Variants in PNPLA7 observed in about 807,000 individuals in gnomAD.
PNPLA7 encodes patatin like domain 7, lysophospholipase, also known as patatin-like phospholipase domain-containing protein 7.
A neutral mutation model predicts 161.7 loss-of-function variants in PNPLA7; 153 were observed. That is an observed-to-expected ratio of 0.95 (90% CI 0.83 to 1.08). The LOEUF (loss-of-function observed/expected upper bound fraction) is 1.08. PNPLA7 is among the 50% of genes least tolerant of loss of function. The pLI is 0.00. For synonymous variants in PNPLA7, 809 were observed against 782.1 expected (o/e 1.03, Z -0.57); for missense variants, 1,739 against 1,856.6 (o/e 0.94, Z 1.16).
intron 25 of PNPLA7, among the ~76,000 whole-genome samples, chr9:137,474,032 A>C (rs1156995937): frequency 2.0e-5 from 3 of 152,146 alleles, no homozygotes; most frequent in Non-Finnish European, 4.4e-5. Context: ...TGAGGTCAGG[A>C]GTTCAAGACG....
In PNPLA7 at chr9:137,484,412, T is replaced by G. The variant is rs1832363502; in HGVS notation, c.2347+175A>C. Among the ~76,000 whole-genome samples the G allele has an allele frequency of 1.3e-5, 2 of 152,234 alleles. 1 individual carries two copies. Among genetic ancestry groups the G allele is most frequent in the South Asian group, 4.1e-4 (2 of 4,836 alleles). The stretch of plus-strand genomic sequence containing the variant: ...TCTCAGGAAATTCAATTCCTTGCCC[T>G]TGAATCCCCAAATTTAACAGCTGCC... On this transcript the variant is annotated intron_variant, in intron 21 of 34. Coordinates refer to ENST00000406427, the MANE Select transcript of PNPLA7 (RefSeq NM_001098537.3).
intron 4 of PNPLA7, among the ~76,000 whole-genome samples, chr9:137,545,605 T>A (rs989962098): frequency 2.0e-5 from 3 of 152,238 alleles, no homozygotes; most frequent in Non-Finnish European, 4.4e-5. Context: ...CATATAGATC[T>A]TAGATATGAT....
At chr9:137,474,856 C>CAA (rs750987273) in intron 25 of PNPLA7, among the ~76,000 whole-genome samples, 1,126 of 107,290 alleles carry the variant, frequency 0.01, 17 homozygotes, top group African/African-American at 0.035. Flanking sequence ...ACTAAAAATA[C>CAA]AAAAAAAAAA....
At position 137,542,671 on chromosome 9, in the gene PNPLA7, C is replaced by A. The variant is rs757659216; in HGVS notation, c.637G>T (p.Gly213Trp). The A allele has an allele frequency of 6.2e-7, 1 of 1,611,382 alleles. No homozygotes were observed. Among genetic ancestry groups the A allele is most frequent in the Non-Finnish European group, 8.5e-7 (1 of 1,178,892 alleles). ...PDPSICVVQD[G>W]RLEVCIQDTD... The stretch of plus-strand genomic sequence containing the variant: ...TCCTGGATGCAGACCTCCAGCCGCC[C>A]GTCCTGCACCACACAGATGCTGGGG... The change falls in exon 7 of 35, where the codon GGG (glycine) becomes TGG (tryptophan). Residue 213 changes from glycine to tryptophan, a missense_variant. By Grantham distance (184) the Gly-to-Trp change is radical. This residue lies in a region of PNPLA7 where 152 missense variants were observed against 193.5 expected (regional missense o/e 0.79). Coordinates refer to ENST00000406427, the MANE Select transcript of PNPLA7 (RefSeq NM_001098537.3).
Position 137,460,258 on chromosome 9 carries a change from A to G in PNPLA7, c.*135T>C. 2 of 809,546 alleles carry G rather than the reference A, an allele frequency of 2.5e-6. No individual in the cohort carries two copies. Among genetic ancestry groups the G allele is most frequent in the Non-Finnish European group, 3.9e-6 (2 of 517,084 alleles). 50.1% of individuals were successfully genotyped at this position (809,546 alleles called of 1,614,324 possible). ...ACAAAGAAGAGGCCCAGAGAACCCT[A>G]ACACAGCCTGGGGCCCCGGGGAAGT... On this transcript the variant is annotated 3_prime_UTR_variant, in exon 35 of 35. Coordinates refer to ENST00000406427, the MANE Select transcript of PNPLA7 (RefSeq NM_001098537.3).
At chr9:137,544,700 A>G (rs1015345127) in intron 4 of PNPLA7, among the ~76,000 whole-genome samples, 1 of 152,054 alleles carries the variant, frequency 6.6e-6, no homozygotes, top group Non-Finnish European at 1.5e-5. Flanking sequence ...CTGCAGTGCA[A>G]TGGCACGATC....
At chr9:137,462,102 CA>C in intron 31 of PNPLA7, 61 bp from the exon 32 acceptor site, 2 of 1,518,832 alleles carry the variant, frequency 1.3e-6, no homozygotes, top group Non-Finnish European at 1.8e-6. Flanking sequence ...CCTGTGTTCT[CA>C]AAAGGGGGAA....
chr9:137,510,710 A>G lies in PNPLA7; in HGVS notation c.1226-4627T>C, dbSNP rs570948456. On this transcript the variant is annotated intron_variant, in intron 12 of 34. Transcript: ENST00000406427. ...CTCTTTGTCTTGTGTCTTTATTTCT[A>G]CACTCTCTCATCGCCGCACACAGGG... Among the ~76,000 whole-genome samples the G allele has an allele frequency of 7.0e-4, 106 of 152,078 alleles. 1 individual carries two copies. The highest frequency in any genetic ancestry group is 2.4e-3 in the African/African-American group (101 of 41,472).
At chr9:137,518,848 TC>T (rs1266571954) in intron 11 of PNPLA7, among the ~76,000 whole-genome samples, 1 of 112,254 alleles carries the variant, frequency 8.9e-6, no homozygotes, top group Non-Finnish European at 1.8e-5. Context: ...ACTCACTCCA[TC>T]CCCCACTCAC....
intron 6 of PNPLA7, 41 bp from the exon 7 acceptor site, chr9:137,542,842 G>C: frequency 6.3e-7 from 1 of 1,583,026 alleles, no homozygotes; most frequent in Non-Finnish European, 8.6e-7. Context: ...CCTTCCAGGG[G>C]AGGAGGACGG....
At chr9:137,485,940 G>A (rs1832459145) in intron 20 of PNPLA7, among the ~76,000 whole-genome samples, 1 of 152,116 alleles carries the variant, frequency 6.6e-6, no homozygotes, top group African/African-American at 2.4e-5. Flanking sequence ...CTGGCGAGTG[G>A]CATCTCTGCT....
intron 23 of PNPLA7, 179 bp from the exon 24 acceptor site, chr9:137,479,417 G>C (rs899065623): frequency 7.7e-7 from 1 of 1,304,880 alleles, no homozygotes; most frequent in African/African-American, 1.5e-5. Flanking sequence ...TGACGGCAGG[G>C]GTCCATCCGT....
In PNPLA7 at chr9:137,543,491, C is replaced by G. The variant is rs767355686; in HGVS notation, c.447G>C (p.Glu149Asp). 5.6e-6 allele frequency: 9 copies of G among 1,614,124 alleles called. No homozygotes were observed. In the East Asian group the frequency reaches 1.8e-4, roughly 32 times the overall value. ...PPSLLEADLTEFDVKNSHLPS... is the reference protein window; with the variant it reads ...PPSLLEADLTDFDVKNSHLPS... ...GCAGGTGAGAATTCTTCACGTCAAA[C>G]TCCGTGAGGTCGGCCTCCAGCAGGG... The change falls in exon 6 of 35, where the codon GAG becomes GAC. Residue 149 changes from glutamate to aspartate, a missense_variant. By Grantham distance (45) the Glu-to-Asp change is conservative (BLOSUM62 2). Coordinates refer to ENST00000406427, the MANE Select transcript of PNPLA7 (RefSeq NM_001098537.3). The surrounding 1 kb of genome is among the most constrained non-coding windows in gnomAD (Gnocchi z 6.9).
At chr9:137,531,973 T>C (rs1028558833) in intron 8 of PNPLA7, among the ~76,000 whole-genome samples, 6 of 152,322 alleles carry the variant, frequency 3.9e-5, no homozygotes, top group Middle Eastern at 3.4e-3. Context: ...TGCTATGTTG[T>C]CTGGGCTGGC....
intron 11 of PNPLA7, among the ~76,000 whole-genome samples, chr9:137,518,195 T>G: frequency 8.0e-6 from 1 of 124,230 alleles, no homozygotes; most frequent in Non-Finnish European, 1.7e-5. Context: ...CCCCACTCAC[T>G]CACTCCACTC....
rs1184017306 is a variant in PNPLA7, at chr9:137,537,957, A to G, written c.747+2685T>C. 6.6e-6 allele frequency among the ~76,000 whole-genome samples: 1 copy of G among 152,180 alleles called. No homozygotes were observed. Among genetic ancestry groups the G allele is most frequent in the Non-Finnish European group, 1.5e-5 (1 of 68,038 alleles). ...GCTGAACGGGTTTACGTCCACGTAG[A>G]CCAAAGCTCCTGTGGTCCTTTCCCA... On this transcript the variant is annotated intron_variant, in intron 8 of 34. Transcript: ENST00000406427. This position sits in a 1 kb window ranked among gnomAD's most constrained non-coding sequence, Gnocchi z 4.5.
At chr9:137,491,120 G>A (rs1403506806) in intron 20 of PNPLA7, among the ~76,000 whole-genome samples, 5 of 152,144 alleles carry the variant, frequency 3.3e-5, no homozygotes, top group South Asian at 2.1e-4. Context: ...AAAGCTGGGC[G>A]CAGAGGCTCA....
intron 29 of PNPLA7, 48 bp downstream of exon 29, chr9:137,463,367 A>G (rs1391000436): frequency 1.3e-6 from 2 of 1,504,168 alleles, no homozygotes; most frequent in East Asian, 2.4e-5. Flanking sequence ...GGGCGGCGTG[A>G]CCCAGGAGCC....
chr9:137,515,228 A>G, intron 12 of PNPLA7, 151 bp downstream of exon 12: 1 of 1,013,314 alleles, frequency 9.9e-7, no homozygotes, highest in Non-Finnish European at 1.4e-6. Flanking sequence ...CTAGAGCCAG[A>G]GGACAGGCAC....
Sources: allele counts gnomAD v4.1 joint callset (sites outside exome capture counted in the v4.1 genomes callset), GRCh38; gene constraint gnomAD v4.1.1; regional missense constraint gnomAD v4.1.1; non-coding constraint Gnocchi (gnomAD v3.1); transcripts MANE v1.5; gene names NCBI Gene and HGNC (gene_info 2026-07-23, HGNC 2026-07-21).